ITGB3: variants seen among roughly 807,000 people sequenced by gnomAD.
ITGB3 encodes the protein integrin beta-3.
ITGB3 carries 48 observed loss-of-function variants against 85.8 expected under a neutral mutation model. That is an observed-to-expected ratio of 0.56 (90% CI 0.44 to 0.71). The LOEUF (loss-of-function observed/expected upper bound fraction) is 0.71. Among genes scored for constraint, ITGB3 ranks in the 30% least tolerant of loss-of-function variants. ITGB3 has a pLI of 0.00. For missense variants in ITGB3, 861 were observed against 1,019.1 expected, an observed-to-expected ratio of 0.84 and a Z score of 2.11; for synonymous variants, 363 against 395.6, an observed-to-expected ratio of 0.92 and a Z score of 0.98.
intron 1 of ITGB3, among the ~76,000 whole-genome samples, chr17:47,258,451 A>G (rs1369456908): frequency 2.0e-5 from 3 of 149,180 alleles, no homozygotes; most frequent in Non-Finnish European, 4.5e-5. Context: ...TTTTTTTGTT[A>G]GATAATTCAG....
At chr17:47,286,964 G>A in intron 5 of ITGB3, 106 bp from the exon 6 acceptor site, 2 of 1,155,974 alleles carry the variant, frequency 1.7e-6, no homozygotes, top group Non-Finnish European at 1.3e-6. Context: ...AAAATAAGCT[G>A]TCCAGCCCTT....
rs553735480 is a variant in ITGB3 at position 47,265,729 on chromosome 17, G to A, written c.80-8690G>A. Among the ~76,000 whole-genome samples the A allele has an allele frequency of 4.2e-4, 64 of 152,264 alleles. 1 individual carries two copies. The highest frequency in any genetic ancestry group is 6.2e-4 in the South Asian group (3 of 4,826). On this transcript the variant is annotated intron_variant, in intron 1 of 14. Transcript: ENST00000559488. ...CAACTTATAACACATTTTAATATTG[G>A]TGGAGGCAAGTTATACACAAATGTT... is the stretch of plus-strand genomic sequence containing the variant.
intron 1 of ITGB3, chr17:47,259,308 A>G (rs1191900730): frequency 1.0e-5 from 1 of 98,110 alleles, no homozygotes; most frequent in Middle Eastern, 7.5e-3. Context: ...CTGAAAAAAC[A>G]ACCCACTTGA....
chr17:47,290,136 C>A (rs1243580078), intron 7 of ITGB3, 49 bp from the exon 8 acceptor site: 12 of 1,445,688 alleles, frequency 8.3e-6, no homozygotes, highest in Non-Finnish European at 1.2e-5. Context: ...CTTTTGGAGA[C>A]CACCAGCTTC....
chr17:47,262,675 C>A (rs2065012581), intron 1 of ITGB3, among the ~76,000 whole-genome samples: 1 of 152,134 alleles, frequency 6.6e-6, no homozygotes, highest in Non-Finnish European at 1.5e-5. Context: ...GGCTCAGTGG[C>A]ATTGGTTGGG....
In ITGB3 at chr17:47,292,212, TG is replaced by T; in HGVS notation, c.1337del (p.Gly446AlafsTer6). On this transcript the variant is annotated frameshift_variant, in exon 10 of 15. Transcript: ENST00000559488. LOFTEE classifies it high-confidence loss of function. The stretch of plus-strand genomic sequence containing the variant: ...GAGAAGTCCTTTACCATAAAGCCCG[TG>T]GGCTTCAAGGACAGCCTGATCGTCC... ...EKEKSFTIKP[V>X]GFKDSLIVQV... The T allele has an allele frequency of 6.2e-7, 1 of 1,614,172 alleles. No individual in the cohort carries two copies. The highest frequency in any genetic ancestry group is 1.6e-4 in the Middle Eastern group (1 of 6,062).
chr17:47,277,548 A>G (rs2065068328), intron 2 of ITGB3, among the ~76,000 whole-genome samples: 1 of 152,212 alleles, frequency 6.6e-6, no homozygotes, highest in Non-Finnish European at 1.5e-5. Flanking sequence ...GCTAATAGCC[A>G]CTGCACTCCA....
chr17:47,285,043 A>T lies in ITGB3; in HGVS notation c.614+348A>T, dbSNP rs80077345. On this transcript the variant is annotated intron_variant, in intron 4 of 14. Coordinates refer to ENST00000559488, the MANE Select transcript of ITGB3 (RefSeq NM_000212.3). ...AGAAATTACGATTACAGAAGGATCGATTCCATTGTTGGCATTATTGTCTTC... is the reference window on the plus strand; with the variant it reads ...AGAAATTACGATTACAGAAGGATCGTTTCCATTGTTGGCATTATTGTCTTC... Among the ~76,000 whole-genome samples, 105 of 152,340 alleles carry T rather than the reference A, an allele frequency of 6.9e-4. No homozygotes were observed. The East Asian group carries it at 0.015, about 22-fold the overall frequency.
chr17:47,281,134 T>C (rs1691377945), intron 2 of ITGB3, among the ~76,000 whole-genome samples: 1 of 152,300 alleles, frequency 6.6e-6, no homozygotes, highest in Admixed American at 6.5e-5. Flanking sequence ...CAATAATCCA[T>C]GTAAAGTGCT....
At chr17:47,268,446 C>T (rs947656944) in intron 1 of ITGB3, among the ~76,000 whole-genome samples, 18 of 152,160 alleles carry the variant, frequency 1.2e-4, no homozygotes, top group South Asian at 4.1e-4. Context: ...CTAGATACAA[C>T]GGGAGTGGAG....
At chr17:47,288,358 G>C (rs1428876836) in intron 6 of ITGB3, among the ~76,000 whole-genome samples, 1 of 152,222 alleles carries the variant, frequency 6.6e-6, no homozygotes, top group South Asian at 2.1e-4. Context: ...TTATACATGA[G>C]AAAACTTCTT....
chr17:47,260,336 C>A (rs1251509707), intron 1 of ITGB3, among the ~76,000 whole-genome samples: 1 of 152 alleles, frequency 6.6e-3, no homozygotes, highest in Non-Finnish European at 0.014. Flanking sequence ...TGCTCCTGCC[C>A]CTTCCCCACC....
Position 47,290,969 on chromosome 17 carries a change from G to A in ITGB3, c.1141G>A (p.Val381Ile). The A allele has an allele frequency of 6.2e-7, 1 of 1,614,142 alleles. No individual in the cohort carries two copies. The highest frequency in any genetic ancestry group is 8.5e-7 in the Non-Finnish European group (1 of 1,180,024). Reference sequence around the variant, plus strand: ...TTCTGCTCAGAAAATCCGTTCTAAAGTAGAGCTGGAAGTGCGTGACCTCCC... The same window carrying A: ...TTCTGCTCAGAAAATCCGTTCTAAAATAGAGCTGGAAGTGCGTGACCTCCC... ...VDAYGKIRSK[V>I]ELEVRDLPEE... Residue 381 changes from valine to isoleucine, a missense_variant, in exon 9 of 15, where the codon GTA becomes ATA. By Grantham distance (29) the Val-to-Ile change is conservative (BLOSUM62 3). Coordinates refer to ENST00000559488, the MANE Select transcript of ITGB3 (RefSeq NM_000212.3).
Position 47,300,346 on chromosome 17 carries a change from C to CGTGTGTGTGT in ITGB3, c.1914-119_1914-110dup, listed in dbSNP as rs58012849. 535 of 619,736 alleles carry CGTGTGTGTGT rather than the reference C, an allele frequency of 8.6e-4. 2 individuals are homozygous for CGTGTGTGTGT. The highest frequency in any genetic ancestry group is 5.5e-3 in the African/African-American group (298 of 54,050). The allele number at this position is 619,736 out of a possible 1,614,324, so 38.4% of individuals were successfully genotyped here. ...GGATTGTCTTACAGGCGCGCGCGCG[C>CGTGTGTGTGT]GTGTGTGTGTGTGTGTGTGTGTTTT... On this transcript the variant is annotated intron_variant, in intron 11 of 14. Transcript: ENST00000559488.
intron 11 of ITGB3, 139 bp from the exon 12 acceptor site, chr17:47,300,339 G>GCA: frequency 4.7e-6 from 3 of 643,424 alleles, no homozygotes; most frequent in African/African-American, 2.3e-5. Flanking sequence ...TTACAGGCGC[G>GCA]CGCGCGCGTG....
At chr17:47,288,920 A>G (rs2065114707) in intron 6 of ITGB3, among the ~76,000 whole-genome samples, 1 of 152,244 alleles carries the variant, frequency 6.6e-6, no homozygotes, top group Non-Finnish European at 1.5e-5. Context: ...AGGAAAGGTC[A>G]TCATGAGCTG....
At chr17:47,269,212 A>C (rs528373882) in intron 1 of ITGB3, among the ~76,000 whole-genome samples, 1 of 152,222 alleles carries the variant, frequency 6.6e-6, no homozygotes, top group Admixed American at 6.5e-5. Flanking sequence ...AGGGGCTACC[A>C]TGAAGGTCTC....
At position 47,300,584 on chromosome 17, in the gene ITGB3, T is replaced by A; in HGVS notation, c.2014+6T>A. ...TGAGTCAGTGAAAGAGCTTAGTAAG[T>A]TCAGCACATCTTAGAGTTGCACACA... On this transcript the variant is annotated splice_donor_region_variant and intron_variant, in intron 12 of 14. Transcript: ENST00000559488. 6.2e-7 allele frequency: 1 copy of A among 1,608,202 alleles called. No individual in the cohort carries two copies. The highest frequency in any genetic ancestry group is 8.5e-7 in the Non-Finnish European group (1 of 1,175,012).
Position 47,290,216 on chromosome 17 carries a change from T to G in ITGB3, c.1067T>G (p.Val356Gly), listed in dbSNP as rs1284573407. 1 of 1,613,960 alleles carries G rather than the reference T, an allele frequency of 6.2e-7. No homozygotes were observed. The stretch of plus-strand genomic sequence containing the variant: ...AGTGAGCTCATCCCAGGGACCACAG[T>G]TGGGGTTCTGTCCATGGATTCCAGC... ...NYSELIPGTT[V>G]GVLSMDSSNV... The change falls in exon 8 of 15, where the codon GTT becomes GGT. Residue 356 changes from valine to glycine, a missense_variant. Coordinates refer to ENST00000559488, the MANE Select transcript of ITGB3 (RefSeq NM_000212.3).
Sources: allele counts gnomAD v4.1 joint callset (sites outside exome capture counted in the v4.1 genomes callset), GRCh38; gene constraint gnomAD v4.1.1; transcripts MANE v1.5; gene names NCBI Gene and HGNC (gene_info 2026-07-23, HGNC 2026-07-21).